UBL3: variants seen among roughly 807,000 people sequenced by gnomAD.
The protein encoded by UBL3 is ubiquitin like 3.
Under a neutral mutation model 18.4 loss-of-function variants are expected in UBL3, and 6 were observed. The ratio of observed to expected loss-of-function variants is 0.33; its 90% CI spans 0.18 to 0.64. UBL3 has a LOEUF of 0.64. Among genes scored for constraint, UBL3 ranks in the 30% least tolerant of loss-of-function variants. UBL3 has a pLI of 0.76. For missense variants in UBL3, 109 were observed against 142.9 expected, an observed-to-expected ratio of 0.76 and a Z score of 1.21; for synonymous variants, 49 against 46.6, an observed-to-expected ratio of 1.05 and a Z score of -0.21.
chr13:29,765,762 T>A lies in UBL3; in HGVS notation c.*1493A>T, dbSNP rs1183985940. The A allele has an allele frequency of 6.6e-6, 1 of 152,598 alleles. No homozygotes were observed. The highest frequency in any genetic ancestry group is 1.5e-5 in the Non-Finnish European group (1 of 67,998). 9.5% of individuals were successfully genotyped at this position (152,598 alleles called of 1,614,324 possible). A position where few individuals can be genotyped will look rare whatever the true frequency, so the allele number is the denominator to read the frequency against. Reference sequence around the variant, plus strand: ...AGTATGAACAATATTTTCGTAGATCTACTGCATATAAAGCCTTTTCATCAA... The same window carrying A: ...AGTATGAACAATATTTTCGTAGATCAACTGCATATAAAGCCTTTTCATCAA... On this transcript the variant is annotated 3_prime_UTR_variant, in exon 5 of 5. Transcript: ENST00000380680.
chr13:29,796,787 C>G (rs951345060), intron 1 of UBL3, among the ~76,000 whole-genome samples: 6 of 152,320 alleles, frequency 3.9e-5, no homozygotes, highest in Non-Finnish European at 7.4e-5. Context: ...TGGATCTCTA[C>G]CATGACTTGG....
Position 29,797,598 on chromosome 13 carries a change from A to T in UBL3, c.28-20335T>A, listed in dbSNP as rs573741143. On this transcript the variant is annotated intron_variant, in intron 1 of 4. Transcript: ENST00000380680. ...ATTTGACATTACATACATTACCTAC[A>T]TGCATTTGGGAGGCACATTACGTAA... 1.4e-4 allele frequency among the ~76,000 whole-genome samples: 21 copies of T among 152,126 alleles called. No homozygotes were observed. The South Asian group carries it at 4.4e-3, about 32-fold the overall frequency.
chr13:29,783,456 G>A (rs1877230889), intron 1 of UBL3, among the ~76,000 whole-genome samples: 1 of 152,136 alleles, frequency 6.6e-6, no homozygotes, highest in African/African-American at 2.4e-5. Flanking sequence ...GTATACCTTA[G>A]GACTGTAAGA....
intron 1 of UBL3, among the ~76,000 whole-genome samples, chr13:29,787,180 T>C (rs1397706497): frequency 5.3e-5 from 8 of 152,182 alleles, no homozygotes; most frequent in Non-Finnish European, 1.2e-4. Context: ...GTTTTTTTTT[T>C]CTTCATCAGT....
At chr13:29,788,575 CT>C (rs1320634778) in intron 1 of UBL3, among the ~76,000 whole-genome samples, 1 of 152,154 alleles carries the variant, frequency 6.6e-6, no homozygotes, top group African/African-American at 2.4e-5. Context: ...TATTTGATTT[CT>C]ATCTTATTCG....
chr13:29,777,753 C>A (rs530533039), intron 1 of UBL3, among the ~76,000 whole-genome samples: 1 of 151,806 alleles, frequency 6.6e-6, no homozygotes, highest in South Asian at 2.1e-4. Flanking sequence ...AAAACCTAGA[C>A]GAATTAACAA....
chr13:29,798,456 A>G (rs2139330493), intron 1 of UBL3, among the ~76,000 whole-genome samples: 1 of 152,304 alleles, frequency 6.6e-6, no homozygotes, highest in South Asian at 2.1e-4. Flanking sequence ...ATGATCACAG[A>G]CAAGATCTCT....
intron 1 of UBL3, among the ~76,000 whole-genome samples, chr13:29,837,448 G>C (rs1258855175): frequency 6.6e-6 from 1 of 152,118 alleles, no homozygotes; most frequent in Non-Finnish European, 1.5e-5. Flanking sequence ...ATGAAGATAG[G>C]TTGCTAGAAA....
chr13:29,807,126 C>T (rs1224360245), intron 1 of UBL3, among the ~76,000 whole-genome samples: 1 of 151,970 alleles, frequency 6.6e-6, no homozygotes, highest in East Asian at 1.9e-4. Context: ...TTTCCTTTTC[C>T]ACAGAGACCC....
At chr13:29,828,585 T>C (rs1878685944) in intron 1 of UBL3, among the ~76,000 whole-genome samples, 1 of 152,208 alleles carries the variant, frequency 6.6e-6, no homozygotes, top group African/African-American at 2.4e-5. Context: ...GTCTAATCTT[T>C]TTTCAAGGTT....
In UBL3 at chr13:29,815,253, A is replaced by T. The variant is rs79031654; in HGVS notation, c.27+34259T>A. 1.1e-4 allele frequency among the ~76,000 whole-genome samples: 16 copies of T among 152,258 alleles called. No individual in the cohort carries two copies. The East Asian group carries it at 3.1e-3, about 29-fold the overall frequency. ...GCATCCCAGAGAATTCTAAAGACTC[A>T]GCTGAGATTTCAAATAGAACGAGTT... On this transcript the variant is annotated intron_variant, in intron 1 of 4. Transcript: ENST00000380680.
At chr13:29,810,986 A>G (rs1378608582) in intron 1 of UBL3, among the ~76,000 whole-genome samples, 1 of 152,140 alleles carries the variant, frequency 6.6e-6, no homozygotes, top group East Asian at 1.9e-4. Context: ...ACATCGTTCA[A>G]GTCAATGGTG....
At chr13:29,819,554 T>A (rs1878371862) in intron 1 of UBL3, among the ~76,000 whole-genome samples, 1 of 152,258 alleles carries the variant, frequency 6.6e-6, no homozygotes, top group South Asian at 2.1e-4. Context: ...AATAAAGCAG[T>A]TATACTTTCT....
At chr13:29,842,063 T>C (rs1879114890) in intron 1 of UBL3, among the ~76,000 whole-genome samples, 2 of 151,480 alleles carry the variant, frequency 1.3e-5, no homozygotes, top group Admixed American at 6.6e-5. Context: ...TGATGTACGA[T>C]AGCATTCAGT....
chr13:29,843,204 A>G (rs1879150245), intron 1 of UBL3, among the ~76,000 whole-genome samples: 1 of 152,220 alleles, frequency 6.6e-6, no homozygotes, highest in Non-Finnish European at 1.5e-5. Flanking sequence ...TGAGGCACAT[A>G]CCTATAGTAT....
At chr13:29,797,960 C>T (rs1877657742) in intron 1 of UBL3, among the ~76,000 whole-genome samples, 1 of 151,520 alleles carries the variant, frequency 6.6e-6, no homozygotes, top group Non-Finnish European at 1.5e-5. Context: ...CTTCCTTCTA[C>T]TTTTTCTTTT....
At chr13:29,799,682 C>T (rs1479700426) in intron 1 of UBL3, among the ~76,000 whole-genome samples, 1 of 152,096 alleles carries the variant, frequency 6.6e-6, no homozygotes, top group Non-Finnish European at 1.5e-5. Flanking sequence ...GAGTCAAATC[C>T]TGTATTTTGG....
intron 1 of UBL3, among the ~76,000 whole-genome samples, chr13:29,786,433 C>T (rs978591303): frequency 6.6e-6 from 1 of 152,020 alleles, no homozygotes; most frequent in African/African-American, 2.4e-5. Context: ...GAGGGAATGG[C>T]ATTAAAAAAT....
At chr13:29,844,728 G>C (rs958493266) in intron 1 of UBL3, among the ~76,000 whole-genome samples, 1 of 151,992 alleles carries the variant, frequency 6.6e-6, no homozygotes, top group Non-Finnish European at 1.5e-5. Flanking sequence ...GAAAATCAAA[G>C]AGCACATTTA....
Sources: gnomAD v4.1 joint callset for allele counts (sites outside exome capture counted in the v4.1 genomes callset) on GRCh38, gnomAD v4.1.1 for gene constraint, MANE v1.5 for transcripts, NCBI Gene and HGNC (gene_info 2026-07-23, HGNC 2026-07-21) for gene names.